The following NDC1 variants were observed in gnomAD, a reference collection of about 807,000 sequenced individuals.
NDC1 encodes the protein NDC1 transmembrane nucleoporin.
In NDC1, 24 loss-of-function variants were observed where a neutral mutation model predicts 89.8. That is an observed-to-expected ratio of 0.27 (90% CI 0.19 to 0.38). The LOEUF (loss-of-function observed/expected upper bound fraction) is 0.38. Ranked by LOEUF, NDC1 falls within the 10% of genes least tolerant of loss-of-function variation. NDC1 has a pLI of 1.00. For synonymous variants in NDC1, 296 were observed against 284.8 expected (o/e 1.04, Z -0.39); for missense variants, 728 against 797.6 (o/e 0.91, Z 1.05).
chr1:53,834,530 A>G (rs188838337), intron 2 of NDC1, among the ~76,000 whole-genome samples: 5 of 152,310 alleles, frequency 3.3e-5, no homozygotes, highest in African/African-American at 1.2e-4. Flanking sequence ...ACGAAATTAA[A>G]AACTCAACTT....
At chr1:53,794,396 T>C (rs562226177) in intron 13 of NDC1, among the ~76,000 whole-genome samples, 5 of 152,320 alleles carry the variant, frequency 3.3e-5, no homozygotes, top group African/African-American at 1.2e-4. Flanking sequence ...CAAAGCTGCA[T>C]GACTAGTCAG....
chr1:53,817,554 G>C (rs1468026806), intron 6 of NDC1, among the ~76,000 whole-genome samples: 1 of 151,994 alleles, frequency 6.6e-6, no homozygotes. Context: ...TGGGTGATGG[G>C]TGCACCTAAA....
chr1:53,783,208 G>T (rs1447715678), intron 16 of NDC1, among the ~76,000 whole-genome samples: 9 of 152,050 alleles, frequency 5.9e-5, no homozygotes, highest in Admixed American at 5.2e-4. Context: ...GGAAGTCAAA[G>T]AATTGTGCAG....
intron 8 of NDC1, among the ~76,000 whole-genome samples, 180 bp downstream of exon 8, chr1:53,807,476 G>GA (rs983295937): frequency 2.0e-5 from 3 of 151,428 alleles, no homozygotes; most frequent in Admixed American, 6.6e-5. Context: ...CTGTTCCTCT[G>GA]AAAAAAAATA....
intron 16 of NDC1, among the ~76,000 whole-genome samples, chr1:53,782,170 TA>T (rs951183642): frequency 5.3e-4 from 81 of 151,794 alleles, no homozygotes; most frequent in African/African-American, 2.0e-3. Flanking sequence ...GTTAAGAAAA[TA>T]AGATATATTT....
At chr1:53,825,137 C>G (rs1479614924) in intron 5 of NDC1, among the ~76,000 whole-genome samples, 1 of 152,030 alleles carries the variant, frequency 6.6e-6, no homozygotes. Flanking sequence ...CACGCCACTG[C>G]ACTCCAGCCT....
At chr1:53,772,949 C>A (rs1647131575) in intron 16 of NDC1, among the ~76,000 whole-genome samples, 1 of 151,912 alleles carries the variant, frequency 6.6e-6, no homozygotes, top group Admixed American at 6.6e-5. Flanking sequence ...ATGACAGTTA[C>A]CAGGCCCCCC....
At chr1:53,824,244 A>G (rs969512957) in intron 5 of NDC1, among the ~76,000 whole-genome samples, 6 of 142,772 alleles carry the variant, frequency 4.2e-5, no homozygotes, top group Admixed American at 3.5e-4. Flanking sequence ...GAAAAAAAAA[A>G]AAAAAAGAAA....
chr1:53,833,185 C>T (rs2100697226), intron 2 of NDC1, among the ~76,000 whole-genome samples: 1 of 152,292 alleles, frequency 6.6e-6, no homozygotes, highest in Admixed American at 6.5e-5. Flanking sequence ...TCTTTCAAGA[C>T]AGAGTATTGC....
At chr1:53,771,521 T>TGTTA (rs1438553725) in intron 17 of NDC1, among the ~76,000 whole-genome samples, 1 of 152,010 alleles carries the variant, frequency 6.6e-6, no homozygotes, top group African/African-American at 2.4e-5. Context: ...TAGGGAAAGA[T>TGTTA]GTTATACTTC....
chr1:53,822,778 AAAT>A (rs1246076889), intron 5 of NDC1, among the ~76,000 whole-genome samples: 1 of 152,138 alleles, frequency 6.6e-6, no homozygotes, highest in Non-Finnish European at 1.5e-5. Context: ...GGCAAAAAAT[AAAT>A]AAATAAATAA....
At chr1:53,827,267 TAAA>T (rs80007578) in intron 4 of NDC1, among the ~76,000 whole-genome samples, 1 of 126,866 alleles carries the variant, frequency 7.9e-6, no homozygotes, top group Non-Finnish European at 1.7e-5. Context: ...CATCTTTGTT[TAAA>T]AAAAAAAAAA....
chr1:53,781,719 A>C (rs1647209844), intron 16 of NDC1, among the ~76,000 whole-genome samples: 1 of 152,210 alleles, frequency 6.6e-6, no homozygotes, highest in African/African-American at 2.4e-5. Flanking sequence ...TACGCTCTTC[A>C]CTTTGATCCC....
chr1:53,823,000 T>C (rs1648725999), intron 5 of NDC1, among the ~76,000 whole-genome samples: 1 of 152,136 alleles, frequency 6.6e-6, no homozygotes, highest in Non-Finnish European at 1.5e-5. Context: ...GAAACACTTC[T>C]AGAGCTAATG....
At position 53,765,827 on chromosome 1, in the gene NDC1, C is replaced by T. The variant is rs1369540148; in HGVS notation, c.*2143G>A. ...GCCAATGTTACAGCATTAGTGGGCTCATAGACAGGATGTGACTTCATCAAA... is the reference window on the plus strand; with the variant it reads ...GCCAATGTTACAGCATTAGTGGGCTTATAGACAGGATGTGACTTCATCAAA... On this transcript the variant is annotated 3_prime_UTR_variant, in exon 18 of 18. Transcript: ENST00000371429. 2.6e-5 allele frequency: 4 copies of T among 152,202 alleles called. No individual in the cohort carries two copies. Among genetic ancestry groups the T allele is most frequent in the Non-Finnish European group, 5.9e-5 (4 of 68,048 alleles). The allele number at this position is 152,202 out of a possible 1,614,324, so 9.4% of individuals were successfully genotyped here.
At chr1:53,817,934 G>A (rs1378774366) in intron 6 of NDC1, among the ~76,000 whole-genome samples, 1 of 152,050 alleles carries the variant, frequency 6.6e-6, no homozygotes, top group Non-Finnish European at 1.5e-5. Context: ...ATAATAAACT[G>A]ATTTTTGTGC....
intron 6 of NDC1, among the ~76,000 whole-genome samples, chr1:53,811,658 C>G (rs1022408520): frequency 1.3e-5 from 2 of 149,850 alleles, no homozygotes; most frequent in African/African-American, 5.1e-5. Context: ...ATCCCCACCC[C>G]CACCTGATGG....
At chr1:53,777,847 G>A (rs1361822381) in intron 16 of NDC1, among the ~76,000 whole-genome samples, 3 of 151,984 alleles carry the variant, frequency 2.0e-5, no homozygotes, top group Non-Finnish European at 4.4e-5. Flanking sequence ...CCAAGTAGAC[G>A]GGACTATAGG....
chr1:53,818,211 C>T (rs956851235), intron 6 of NDC1, among the ~76,000 whole-genome samples: 1 of 151,902 alleles, frequency 6.6e-6, no homozygotes, highest in Admixed American at 6.6e-5. Flanking sequence ...CAGAGGTGGG[C>T]GGATCACCTG....
Sources: allele counts gnomAD v4.1 joint callset (sites outside exome capture counted in the v4.1 genomes callset), GRCh38; gene constraint gnomAD v4.1.1; transcripts MANE v1.5; gene names NCBI Gene and HGNC (gene_info 2026-07-23, HGNC 2026-07-21).